Variants in DENND1B observed in about 807,000 individuals in gnomAD.
DENND1B encodes DENN domain containing 1B.
A neutral mutation model predicts 90.1 loss-of-function variants in DENND1B; 59 were observed. That is an observed-to-expected ratio of 0.65 (90% confidence interval 0.53 to 0.81). The LOEUF (loss-of-function observed/expected upper bound fraction) is 0.81. Among genes scored for constraint, DENND1B ranks in the 40% least tolerant of loss-of-function variants. The pLI is 0.00. For synonymous variants in DENND1B, 337 were observed against 324.6 expected (o/e 1.04, Z -0.41); for missense variants, 862 against 912.6 (o/e 0.94, Z 0.71).
At position 197,607,159 on chromosome 1, in the gene DENND1B, ATTTG is replaced by A; in HGVS notation, c.831_834del (p.Lys278HisfsTer8). The stretch of plus-strand genomic sequence containing the variant: ...TTTAACATAACAACATCTTCCAATG[ATTTG>A]TTTTTCACTCTCTATAAAAAAAACA... On this transcript the variant is annotated frameshift_variant, in exon 13 of 23. Coordinates refer to ENST00000620048, the MANE Select transcript of DENND1B (RefSeq NM_001195215.2). LOFTEE classifies it high-confidence loss of function. The A allele has an allele frequency of 6.5e-7, 1 of 1,538,178 alleles. No individual in the cohort carries two copies. Among genetic ancestry groups the A allele is most frequent in the Non-Finnish European group, 8.7e-7 (1 of 1,147,416 alleles).
At chr1:197,779,451 C>A (rs188738820), upstream of DENND1B, among the ~76,000 whole-genome samples, 1 of 152,116 alleles carries the variant, frequency 6.6e-6, no homozygotes, top group Admixed American at 6.5e-5. Context: ...GGATTGGTGA[C>A]TTTCATCAGT....
chr1:197,640,097 A>G (rs1680140165), intron 10 of DENND1B, among the ~76,000 whole-genome samples: 1 of 152,170 alleles, frequency 6.6e-6, no homozygotes, highest in African/African-American at 2.4e-5. Context: ...TTATGATAAC[A>G]ATTTGTTTTT....
At chr1:197,552,084 G>C (rs942568603) in intron 16 of DENND1B, among the ~76,000 whole-genome samples, 2 of 152,020 alleles carry the variant, frequency 1.3e-5, no homozygotes, top group African/African-American at 2.4e-5. Flanking sequence ...GTTAAATTTT[G>C]TGAAATGTGT....
At position 197,735,029 on chromosome 1, in the gene DENND1B, C is replaced by T. The variant is rs184245599; in HGVS notation, c.83-19955G>A. ...GAAAATGTTAAATATTTCATTCCTA[C>T]TTCTGTAGAAAAAGCGGACAAAATT... On this transcript the variant is annotated intron_variant, in intron 2 of 22. Coordinates refer to ENST00000620048, the MANE Select transcript of DENND1B (RefSeq NM_001195215.2). 1.7e-5 allele frequency: 17 copies of T among 985,486 alleles called. No individual in the cohort carries two copies. The East Asian group carries it at 3.4e-4, about 20-fold the overall frequency. 61.0% of individuals were successfully genotyped at this position (985,486 alleles called of 1,614,324 possible).
chr1:197,618,844 T>C (rs1385723718), intron 10 of DENND1B, among the ~76,000 whole-genome samples: 5 of 151,106 alleles, frequency 3.3e-5, no homozygotes, highest in Admixed American at 6.6e-5. Flanking sequence ...CAAAGATATT[T>C]AAAGAAACTA....
intron 2 of DENND1B, among the ~76,000 whole-genome samples, chr1:197,758,164 T>C (rs1558488175): frequency 6.6e-6 from 1 of 152,202 alleles, no homozygotes; most frequent in Admixed American, 6.5e-5. Flanking sequence ...GCTGTCAGAT[T>C]CGGTACTACA....
intron 6 of DENND1B, among the ~76,000 whole-genome samples, chr1:197,656,295 A>T (rs182847139): frequency 1.4e-4 from 22 of 152,254 alleles, no homozygotes; most frequent in Admixed American, 7.8e-4. Context: ...AGGTGAGGAC[A>T]TAAGTAAAAC....
chr1:197,583,927 T>C (rs1475392605), intron 14 of DENND1B, among the ~76,000 whole-genome samples: 1 of 152,108 alleles, frequency 6.6e-6, no homozygotes, highest in African/African-American at 2.4e-5. Context: ...ATGCAGAAAA[T>C]CATCACCCAC....
chr1:197,545,001 AGACGAC>A (rs1553281534), intron 18 of DENND1B, among the ~76,000 whole-genome samples: 1 of 90,698 alleles, frequency 1.1e-5, no homozygotes, highest in African/African-American at 3.6e-5. Flanking sequence ...GGAAGAAGGA[AGACGAC>A]GACGACGACG....
At chr1:197,699,987 C>T (rs1386075244) in intron 3 of DENND1B, among the ~76,000 whole-genome samples, 1 of 152,114 alleles carries the variant, frequency 6.6e-6, no homozygotes, top group East Asian at 1.9e-4. Flanking sequence ...AAAAGCATTC[C>T]ATCCTCATGA....
the DENND1B span, among the ~76,000 whole-genome samples, chr1:197,781,144 AT>A: frequency 6.6e-6 from 1 of 152,242 alleles, no homozygotes; most frequent in African/African-American, 2.4e-5. Context: ...ATTTTTAAAA[AT>A]AATAATACTA....
At chr1:197,537,499 A>G (rs904450742) in intron 20 of DENND1B, among the ~76,000 whole-genome samples, 17 of 152,130 alleles carry the variant, frequency 1.1e-4, no homozygotes, top group Non-Finnish European at 2.5e-4. Flanking sequence ...CAGTGTGAGG[A>G]CTATAGTTAA....
At position 197,747,624 on chromosome 1, in the gene DENND1B, T is replaced by A. The variant is rs912477577; in HGVS notation, c.82+25244A>T. ...CTCAAAGCAGGGCTGCTACAAACCT[T>A]CAGTTTTTAAAAAATGCAATACCTA... On this transcript the variant is annotated intron_variant, in intron 2 of 22. Coordinates refer to ENST00000620048, the MANE Select transcript of DENND1B (RefSeq NM_001195215.2). Among the ~76,000 whole-genome samples the A allele has an allele frequency of 2.6e-5, 4 of 152,298 alleles. No individual in the cohort carries two copies. The East Asian group carries it at 7.7e-4, about 29-fold the overall frequency.
At chr1:197,550,389 G>T (rs1006377245) in intron 16 of DENND1B, among the ~76,000 whole-genome samples, 5 of 152,032 alleles carry the variant, frequency 3.3e-5, no homozygotes, top group African/African-American at 1.2e-4. Flanking sequence ...AAATTATTGA[G>T]CTGAATACTC....
At chr1:197,751,212 G>T (rs1367985850) in intron 2 of DENND1B, among the ~76,000 whole-genome samples, 1 of 152,074 alleles carries the variant, frequency 6.6e-6, no homozygotes, top group Non-Finnish European at 1.5e-5. Flanking sequence ...TATTTCCAAG[G>T]ATTGAAGTCA....
intron 2 of DENND1B, among the ~76,000 whole-genome samples, chr1:197,725,493 T>C (rs1661545017): frequency 6.6e-6 from 1 of 152,036 alleles, no homozygotes; most frequent in Non-Finnish European, 1.5e-5. Flanking sequence ...TATGCAAACA[T>C]ATATATAAAA....
At position 197,635,479 on chromosome 1, in the gene DENND1B, G is replaced by C. The variant is rs187488077; in HGVS notation, c.672+7232C>G. Among the ~76,000 whole-genome samples the C allele has an allele frequency of 8.3e-3, 1,266 of 152,018 alleles. 18 individuals carry two copies. The highest frequency in any genetic ancestry group is 0.028 in the African/African-American group (1,163 of 41,448). On this transcript the variant is annotated intron_variant, in intron 10 of 22. Transcript: ENST00000620048. ...AGCCTCCCGAGTATCTGGGATTACA[G>C]GCGTGTGACACCACACCCAGCTAAT...
At chr1:197,584,800 T>C (rs1215492772) in intron 14 of DENND1B, among the ~76,000 whole-genome samples, 2 of 151,978 alleles carry the variant, frequency 1.3e-5, no homozygotes, top group South Asian at 2.1e-4. Context: ...GCCTCCCAAG[T>C]AGCTGGGACT....
At chr1:197,678,661 G>A (rs1656335558) in intron 3 of DENND1B, among the ~76,000 whole-genome samples, 1 of 152,122 alleles carries the variant, frequency 6.6e-6, no homozygotes, top group South Asian at 2.1e-4. Flanking sequence ...TATATTAACA[G>A]GGTGATTAAA....
Sources: gnomAD v4.1 joint callset for allele counts (sites outside exome capture counted in the v4.1 genomes callset) on GRCh38, gnomAD v4.1.1 for gene constraint, MANE v1.5 for transcripts, NCBI Gene and HGNC (gene_info 2026-07-23, HGNC 2026-07-21) for gene names.